The following FRYL variants were observed in gnomAD, a reference collection of about 807,000 sequenced individuals.
FRYL encodes the protein FRY like transcription coactivator.
FRYL carries 150 observed loss-of-function variants against 351.2 expected under a neutral mutation model. The ratio of observed to expected loss-of-function variants is 0.43; its 90% confidence interval spans 0.37 to 0.49. The LOEUF (loss-of-function observed/expected upper bound fraction) is 0.49. Among genes scored for constraint, FRYL ranks in the 20% least tolerant of loss-of-function variants. The probability of loss-of-function intolerance (pLI) is 0.00; values close to 1 mark genes in which losing one functional copy is unlikely to be tolerated. For synonymous variants in FRYL, 1,153 were observed against 1,257.1 expected, an observed-to-expected ratio of 0.92 and a Z score of 1.75; for missense variants, 3,036 against 3,619.3, an observed-to-expected ratio of 0.84 and a Z score of 4.13.
chr4:48,551,653 TTATAGA>T, intron 36 of FRYL, 75 bp from the exon 37 acceptor site: 1 of 892,026 alleles, frequency 1.1e-6, no homozygotes, highest in South Asian at 1.6e-5. Flanking sequence ...AGATCTCAAA[TTATAGA>T]TATCAAAACT....
At chr4:48,716,119 T>A (rs1289874488) in intron 1 of FRYL, among the ~76,000 whole-genome samples, 4 of 152,034 alleles carry the variant, frequency 2.6e-5, no homozygotes, top group Non-Finnish European at 5.9e-5. Flanking sequence ...TATACAAAAA[T>A]CAATTCAAGA....
intron 3 of FRYL, among the ~76,000 whole-genome samples, chr4:48,653,460 G>C (rs1758135739): frequency 6.6e-6 from 1 of 151,722 alleles, no homozygotes; most frequent in Non-Finnish European, 1.5e-5. Flanking sequence ...AACTTTGCCA[G>C]AATAACACAA....
chr4:48,539,879 T>C (rs1182800463), intron 47 of FRYL, 92 bp downstream of exon 47: 15 of 890,006 alleles, frequency 1.7e-5, no homozygotes, highest in East Asian at 2.6e-5. Context: ...GAAGTGACAA[T>C]AAAAGGAGTT....
At chr4:48,537,188 T>C (rs895564193) in intron 47 of FRYL, among the ~76,000 whole-genome samples, 2 of 152,186 alleles carry the variant, frequency 1.3e-5, no homozygotes, top group Non-Finnish European at 2.9e-5. Context: ...GAATAAAACA[T>C]TCTTAGAGAA....
chr4:48,670,920 A>C (rs1762550102), intron 3 of FRYL, among the ~76,000 whole-genome samples: 1 of 152,168 alleles, frequency 6.6e-6, no homozygotes, highest in African/African-American at 2.4e-5. Flanking sequence ...GAGTGATGAT[A>C]TCTCTTTGAT....
intron 30 of FRYL, among the ~76,000 whole-genome samples, chr4:48,564,519 G>A (rs953351358): frequency 3.3e-5 from 5 of 152,152 alleles, no homozygotes; most frequent in African/African-American, 1.2e-4. Flanking sequence ...GTCTGTATAT[G>A]TACAATATGA....
At chr4:48,775,026 A>G (rs1310059753) in intron 1 of FRYL, among the ~76,000 whole-genome samples, 1 of 152,228 alleles carries the variant, frequency 6.6e-6, no homozygotes, top group African/African-American at 2.4e-5. Context: ...CGATACCTGT[A>G]AAGTATAAGG....
intron 7 of FRYL, among the ~76,000 whole-genome samples, chr4:48,613,774 G>A (rs1208178383): frequency 6.6e-6 from 1 of 152,066 alleles, no homozygotes; most frequent in African/African-American, 2.4e-5. Context: ...TGGCCAACAT[G>A]GTGAAACCTC....
chr4:48,731,624 A>C (rs1770733511), intron 1 of FRYL, among the ~76,000 whole-genome samples: 2 of 152,160 alleles, frequency 1.3e-5, no homozygotes, highest in African/African-American at 4.8e-5. Context: ...CTCAGAAATA[A>C]CACCACACAT....
chr4:48,630,791 T>C (rs1752821727), intron 4 of FRYL, among the ~76,000 whole-genome samples: 1 of 152,186 alleles, frequency 6.6e-6, no homozygotes, highest in African/African-American at 2.4e-5. Flanking sequence ...TAGTGGTAGA[T>C]TAAATTCTTT....
chr4:48,537,765 G>A (rs1225163049), intron 47 of FRYL, among the ~76,000 whole-genome samples: 1 of 152,126 alleles, frequency 6.6e-6, no homozygotes, highest in African/African-American at 2.4e-5. Context: ...TCAGCAGCTC[G>A]ATATTCAAGG....
chr4:48,653,427 C>G (rs573875611), intron 3 of FRYL, among the ~76,000 whole-genome samples: 2 of 152,204 alleles, frequency 1.3e-5, no homozygotes, highest in East Asian at 3.9e-4. Context: ...CACCCCGCCC[C>G]CCATTTATGA....
Position 48,553,375 on chromosome 4 carries a change from CT to C in FRYL, c.4274del (p.Lys1425ArgfsTer6). ...SEPSLLPYVK[K>X]VIVYLGRDKT... ...TATCTCTACCTAAATATACAATGAC[CT>C]TCTTCACCTGTCACAAAAGAAATCG... On this transcript the variant is annotated frameshift_variant, in exon 36 of 64. Coordinates refer to ENST00000358350, the MANE Select transcript of FRYL (RefSeq NM_015030.2). LOFTEE classifies it high-confidence loss of function. 6.2e-7 allele frequency: 1 copy of C among 1,603,212 alleles called. No homozygotes were observed. Among genetic ancestry groups the C allele is most frequent in the Non-Finnish European group, 8.5e-7 (1 of 1,175,826 alleles).
chr4:48,507,605 GTATTCA>G (rs550016961), intron 59 of FRYL, among the ~76,000 whole-genome samples: 171 of 152,250 alleles, frequency 1.1e-3, no homozygotes, highest in African/African-American at 3.6e-3. Flanking sequence ...TACTCTAGGT[GTATTCA>G]TATTCACGTC....
Position 48,549,863 on chromosome 4 carries a change from T to A in FRYL, c.4634-240A>T, listed in dbSNP as rs1473503035. Reference sequence around the variant, plus strand: ...CACCCTGTACGTCAAAGCAAAACTATATTAGCACTTCATCATGATTCCATC... The same window carrying A: ...CACCCTGTACGTCAAAGCAAAACTAAATTAGCACTTCATCATGATTCCATC... On this transcript the variant is annotated intron_variant, in intron 38 of 63. Transcript: ENST00000358350. The surrounding 1 kb of genome is among the most constrained non-coding windows in gnomAD (Gnocchi z 4.2). Among the ~76,000 whole-genome samples the A allele has an allele frequency of 6.6e-6, 1 of 152,172 alleles. No individual in the cohort carries two copies. Among genetic ancestry groups the A allele is most frequent in the East Asian group, 1.9e-4 (1 of 5,198 alleles).
At position 48,696,556 on chromosome 4, in the gene FRYL, C is replaced by G. The variant is rs141466644; in HGVS notation, c.-203-11761G>C. ...GTGGGGGGCAAGGAGAGGGAGAACA[C>G]TAGGACAAATAGCTAATGCATGTGG... On this transcript the variant is annotated intron_variant, in intron 2 of 63. Coordinates refer to ENST00000358350, the MANE Select transcript of FRYL (RefSeq NM_015030.2). Among the ~76,000 whole-genome samples, 1,476 of 152,058 alleles carry G rather than the reference C, an allele frequency of 9.7e-3. 22 individuals are homozygous for G. The highest frequency in any genetic ancestry group is 0.033 in the African/African-American group (1,364 of 41,486).
At chr4:48,622,497 T>TA (rs1310006249) in intron 5 of FRYL, among the ~76,000 whole-genome samples, 1 of 152,182 alleles carries the variant, frequency 6.6e-6, no homozygotes, top group Admixed American at 6.5e-5. Context: ...AGTATTTTGG[T>TA]AAGTCTCCAC....
intron 2 of FRYL, among the ~76,000 whole-genome samples, chr4:48,707,491 G>C (rs1378865207): frequency 1.3e-5 from 2 of 152,048 alleles, no homozygotes; most frequent in South Asian, 2.1e-4. Context: ...CTGAATCTGA[G>C]TCTGAATACA....
At chr4:48,563,794 A>C (rs1183494005) in intron 31 of FRYL, among the ~76,000 whole-genome samples, 154 bp downstream of exon 31, 1 of 152,108 alleles carries the variant, frequency 6.6e-6, no homozygotes, top group Non-Finnish European at 1.5e-5. Flanking sequence ...TAGAGCATCC[A>C]TGGATTTTGG....
Sources: gnomAD v4.1 joint callset for allele counts (sites outside exome capture counted in the v4.1 genomes callset) on GRCh38, gnomAD v4.1.1 for gene constraint, Gnocchi (gnomAD v3.1) non-coding constraint, MANE v1.5 for transcripts, NCBI Gene and HGNC (gene_info 2026-07-23, HGNC 2026-07-21) for gene names.